Variants in XPR1 observed in about 807,000 individuals in gnomAD.
The protein encoded by XPR1 is xenotropic and polytropic retrovirus receptor 1.
A neutral mutation model predicts 87.5 loss-of-function variants in XPR1; 28 were observed. The observed-to-expected ratio is 0.32, with a 90% CI of 0.24 to 0.44. The LOEUF (loss-of-function observed/expected upper bound fraction) is 0.44, where lower values mean the gene tolerates loss of function less well. Ranked by LOEUF, XPR1 falls within the 20% of genes least tolerant of loss-of-function variation. The pLI is 1.00. For synonymous variants in XPR1, 300 were observed against 306.1 expected (o/e 0.98, Z 0.21); for missense variants, 559 against 862.3 (o/e 0.65, Z 4.41).
chr1:180,872,678 C>A (rs1240370540), intron 12 of XPR1, among the ~76,000 whole-genome samples: 2 of 138,914 alleles, frequency 1.4e-5, no homozygotes, highest in African/African-American at 5.4e-5. Context: ...CTTCGGCTCG[C>A]GCACGGTGCG....
At chr1:180,802,831 A>G (rs1191965743) in intron 3 of XPR1, among the ~76,000 whole-genome samples, 4 of 152,196 alleles carry the variant, frequency 2.6e-5, no homozygotes, top group Admixed American at 2.6e-4. Flanking sequence ...AGGTTCATCC[A>G]TGTCAGAGCA....
chr1:180,837,403 G>T (rs1651332488), intron 11 of XPR1, among the ~76,000 whole-genome samples: 2 of 152,108 alleles, frequency 1.3e-5, no homozygotes, highest in South Asian at 2.1e-4. Flanking sequence ...TCTGTAGGTT[G>T]TAAAGAGATG....
At chr1:180,823,941 A>G (rs951580547) in intron 7 of XPR1, among the ~76,000 whole-genome samples, 6 of 152,238 alleles carry the variant, frequency 3.9e-5, no homozygotes, top group Non-Finnish European at 7.3e-5. Flanking sequence ...GCATTCCGTA[A>G]ATATTAACTG....
At chr1:180,832,545 C>A (rs1276820067) in intron 9 of XPR1, among the ~76,000 whole-genome samples, 1 of 152,134 alleles carries the variant, frequency 6.6e-6, no homozygotes, top group Non-Finnish European at 1.5e-5. Flanking sequence ...AATCTTTAAT[C>A]CATCTTGAGT....
At chr1:180,881,001 G>A (rs1652836266) in intron 14 of XPR1, among the ~76,000 whole-genome samples, 1 of 152,104 alleles carries the variant, frequency 6.6e-6, no homozygotes, top group Non-Finnish European at 1.5e-5. Context: ...ATAAGGGAGT[G>A]AATAGACTAG....
At chr1:180,878,548 C>G (rs116432408) in intron 13 of XPR1, among the ~76,000 whole-genome samples, 2 of 152,218 alleles carry the variant, frequency 1.3e-5, no homozygotes, top group Admixed American at 6.5e-5. Context: ...TCACAACAAT[C>G]TTAGGAAGTA....
intron 2 of XPR1, among the ~76,000 whole-genome samples, chr1:180,770,111 A>G (rs1055054405): frequency 3.9e-5 from 6 of 152,224 alleles, no homozygotes; most frequent in Admixed American, 2.6e-4. Context: ...TGTCTTTGAC[A>G]TAGCCTTTTG....
At chr1:180,699,237 A>C (rs1415337838) in intron 2 of XPR1, among the ~76,000 whole-genome samples, 1 of 119,730 alleles carries the variant, frequency 8.4e-6, no homozygotes, top group African/African-American at 3.2e-5. Context: ...ATTATACTCT[A>C]AGTTTTAGGG....
At chr1:180,825,661 G>A (rs1382791841) in intron 9 of XPR1, among the ~76,000 whole-genome samples, 3 of 152,184 alleles carry the variant, frequency 2.0e-5, no homozygotes, top group African/African-American at 7.2e-5. Flanking sequence ...TTCCTGTTAA[G>A]TTGATGTGAG....
intron 1 of XPR1, among the ~76,000 whole-genome samples, chr1:180,644,027 A>G (rs16856361): frequency 0.23 from 35,060 of 152,016 alleles, 4,155 homozygotes; most frequent in Middle Eastern, 0.29. Flanking sequence ...ATAGTATATA[A>G]CTAAGTGATT....
intron 2 of XPR1, among the ~76,000 whole-genome samples, chr1:180,781,413 G>C (rs775923227): frequency 2.0e-5 from 3 of 151,878 alleles, no homozygotes; most frequent in Non-Finnish European, 4.4e-5. Flanking sequence ...TGATGGTGTT[G>C]ATAGTGGTTT....
intron 2 of XPR1, among the ~76,000 whole-genome samples, chr1:180,753,808 T>C (rs556823711): frequency 6.6e-6 from 1 of 152,362 alleles, no homozygotes; most frequent in Non-Finnish European, 1.5e-5. Flanking sequence ...TTTGTGTGGT[T>C]AACAAATTGG....
intron 1 of XPR1, among the ~76,000 whole-genome samples, chr1:180,666,779 G>T (rs1313459806): frequency 6.6e-6 from 1 of 152,180 alleles, no homozygotes; most frequent in East Asian, 1.9e-4. Flanking sequence ...TGCAAATACA[G>T]ATAATTTTAC....
intron 2 of XPR1, among the ~76,000 whole-genome samples, chr1:180,686,926 G>A (rs1462665040): frequency 1.3e-5 from 2 of 152,016 alleles, no homozygotes; most frequent in Non-Finnish European, 2.9e-5. Context: ...CTTATATTAA[G>A]TCAGGAATTG....
intron 2 of XPR1, among the ~76,000 whole-genome samples, chr1:180,750,532 G>A (rs1002773000): frequency 6.6e-6 from 1 of 152,062 alleles, no homozygotes; most frequent in Non-Finnish European, 1.5e-5. Context: ...CATTTTGTAG[G>A]AAATCCTTTG....
chr1:180,746,367 C>G (rs577995830), intron 2 of XPR1, among the ~76,000 whole-genome samples: 4 of 152,268 alleles, frequency 2.6e-5, no homozygotes, highest in African/African-American at 9.6e-5. Context: ...TGAGAACATA[C>G]AGTATTTGGT....
At chr1:180,663,084 C>T (rs1482681616) in intron 1 of XPR1, among the ~76,000 whole-genome samples, 4 of 152,196 alleles carry the variant, frequency 2.6e-5, no homozygotes, top group African/African-American at 7.2e-5. Flanking sequence ...GGTTTGAATT[C>T]TATCTGAAAG....
intron 1 of XPR1, among the ~76,000 whole-genome samples, chr1:180,673,620 A>G (rs1023741308): frequency 6.6e-6 from 1 of 152,214 alleles, no homozygotes; most frequent in Non-Finnish European, 1.5e-5. Context: ...CACATCAGCA[A>G]CGGCGTTAGA....
chr1:180,840,958 G>A (rs191556112), intron 11 of XPR1, among the ~76,000 whole-genome samples: 6 of 152,124 alleles, frequency 3.9e-5, no homozygotes, highest in Non-Finnish European at 8.8e-5. Flanking sequence ...AAAAAAAATA[G>A]CAACAAAGCA....
Sources: gnomAD v4.1 joint callset for allele counts (sites outside exome capture counted in the v4.1 genomes callset) on GRCh38, gnomAD v4.1.1 for gene constraint, MANE v1.5 for transcripts, NCBI Gene and HGNC (gene_info 2026-07-23, HGNC 2026-07-21) for gene names.